PLEKHD1: variants seen among roughly 807,000 people sequenced by gnomAD.
The protein encoded by PLEKHD1 is pleckstrin homology domain-containing family D member 1.
A neutral mutation model predicts 69.2 loss-of-function variants in PLEKHD1; 51 were observed. The observed-to-expected ratio is 0.74, with a 90% CI of 0.59 to 0.93. PLEKHD1 has a LOEUF of 0.93. Ranked by LOEUF, PLEKHD1 falls within the 40% of genes least tolerant of loss-of-function variation. The pLI, the probability that PLEKHD1 is intolerant of heterozygous loss-of-function variation, is 0.00. For missense variants in PLEKHD1, 584 were observed against 641.0 expected, an observed-to-expected ratio of 0.91 and a Z score of 0.96; for synonymous variants, 236 against 244.7, an observed-to-expected ratio of 0.96 and a Z score of 0.33.
At chr14:69,526,251 T>C in intron 9 of PLEKHD1, 129 bp downstream of exon 9, 2 of 985,922 alleles carry the variant, frequency 2.0e-6, no homozygotes, top group Non-Finnish European at 2.9e-6. Context: ...TCCTTTTGCC[T>C]AGGACTCTGT....
chr14:69,473,325 C>T, the PLEKHD1 span, among the ~76,000 whole-genome samples: 17 of 151,894 alleles, frequency 1.1e-4, no homozygotes, highest in African/African-American at 3.9e-4. Context: ...CAGAATGTGT[C>T]CCTACCCCAC....
chr14:69,496,341 G>A (rs990499758), intron 1 of PLEKHD1, among the ~76,000 whole-genome samples: 1 of 152,184 alleles, frequency 6.6e-6, no homozygotes, highest in Non-Finnish European at 1.5e-5. Context: ...ATAACAAAAT[G>A]CCATAGACTG....
chr14:69,505,562 T>A (rs528404714), intron 6 of PLEKHD1, among the ~76,000 whole-genome samples: 1 of 152,338 alleles, frequency 6.6e-6, no homozygotes, highest in South Asian at 2.1e-4. Context: ...CTTAACTCTA[T>A]CACTGACTGT....
intron 6 of PLEKHD1, among the ~76,000 whole-genome samples, chr14:69,515,969 G>T (rs1416948816): frequency 1.3e-5 from 2 of 152,206 alleles, no homozygotes; most frequent in Non-Finnish European, 2.9e-5. Flanking sequence ...CTTCTCTGAT[G>T]ATGTAAGAAG....
intron 6 of PLEKHD1, among the ~76,000 whole-genome samples, chr14:69,513,219 A>AAAAAT (rs534420298): frequency 3.9e-4 from 59 of 151,418 alleles, no homozygotes; most frequent in African/African-American, 1.1e-3. Flanking sequence ...ACTCCATCTC[A>AAAAAT]AAAATAAAAT....
In PLEKHD1 at chr14:69,496,942, A is replaced by G. The variant is rs193120889; in HGVS notation, c.150-3173A>G. ...ACATTAATTACCTCCTAAAGACCTT[A>G]TCTCCAAATACAGTCACATGTGGGG... On this transcript the variant is annotated intron_variant, in intron 1 of 12. Coordinates refer to ENST00000322564, the MANE Select transcript of PLEKHD1 (RefSeq NM_001161498.2). 2.6e-5 allele frequency among the ~76,000 whole-genome samples: 4 copies of G among 152,218 alleles called. No homozygotes were observed. The East Asian group carries it at 7.7e-4, about 29-fold the overall frequency.
At chr14:69,476,788 G>A in the PLEKHD1 span, among the ~76,000 whole-genome samples, 2 of 152,162 alleles carry the variant, frequency 1.3e-5, no homozygotes, top group African/African-American at 4.8e-5. Flanking sequence ...CCAGGGACTA[G>A]ACTGTGAAGG....
the PLEKHD1 span, among the ~76,000 whole-genome samples, chr14:69,470,604 T>G: frequency 5.9e-5 from 9 of 152,130 alleles, no homozygotes; most frequent in Admixed American, 2.6e-4. Flanking sequence ...AAAGAGGCAA[T>G]GTGGTGTATT....
Position 69,528,615 on chromosome 14 carries a change from C to T in PLEKHD1, c.*196C>T. 1 of 740,272 alleles carries T rather than the reference C, an allele frequency of 1.4e-6. No individual in the cohort carries two copies. The highest frequency in any genetic ancestry group is 2.1e-6 in the Non-Finnish European group (1 of 467,036). 45.9% of individuals were successfully genotyped at this position (740,272 alleles called of 1,614,324 possible). A position where few individuals can be genotyped will look rare whatever the true frequency, so the allele number is the denominator to read the frequency against. ...CGCTGCCTTCCTCATCCTCACCCCA[C>T]ACCCCACCTTTGGGTCCACACCAGG... is the stretch of plus-strand genomic sequence containing the variant. On this transcript the variant is annotated 3_prime_UTR_variant, in exon 13 of 13. Coordinates refer to ENST00000322564, the MANE Select transcript of PLEKHD1 (RefSeq NM_001161498.2).
rs1459670611 is a variant in PLEKHD1 at position 69,526,685 on chromosome 14, C to T, written c.924-12C>T. ...AGTGAGCATTGAGAAAGTGCCTCTT[C>T]TGTCCCTACAGGATGAAGGAGAACG... On this transcript the variant is annotated splice_polypyrimidine_tract_variant and intron_variant, in intron 9 of 12. Coordinates refer to ENST00000322564, the MANE Select transcript of PLEKHD1 (RefSeq NM_001161498.2). 5 of 1,490,952 alleles carry T rather than the reference C, an allele frequency of 3.4e-6. No homozygotes were observed. Among genetic ancestry groups the T allele is most frequent in the Middle Eastern group, 3.5e-4 (2 of 5,728 alleles). 92.4% of individuals were successfully genotyped at this position (1,490,952 alleles called of 1,614,324 possible).
upstream of PLEKHD1, among the ~76,000 whole-genome samples, chr14:69,479,982 C>T (rs1882514310): frequency 6.6e-6 from 1 of 152,158 alleles, no homozygotes; most frequent in African/African-American, 2.4e-5. Flanking sequence ...CGAGGACAAA[C>T]CGATTCAGTA....
At chr14:69,498,534 G>C (rs1475935239) in intron 1 of PLEKHD1, among the ~76,000 whole-genome samples, 1 of 152,056 alleles carries the variant, frequency 6.6e-6, no homozygotes, top group Non-Finnish European at 1.5e-5. Flanking sequence ...TGGCTGGTAG[G>C]ACCTTCAGAG....
At chr14:69,505,243 A>G (rs2139510745) in intron 6 of PLEKHD1, among the ~76,000 whole-genome samples, 1 of 152,242 alleles carries the variant, frequency 6.6e-6, no homozygotes. Flanking sequence ...CTCAGTTCTC[A>G]TTTTTTGTCA....
chr14:69,468,540 CCTTCCTTTCTTT>C, the PLEKHD1 span, among the ~76,000 whole-genome samples: 610 of 135,216 alleles, frequency 4.5e-3, 1 homozygote, highest in Admixed American at 6.5e-3. Context: ...ATATTTCCTT[CCTTCCTTTCTTT>C]CTTTCTTTCT....
In PLEKHD1 at chr14:69,484,891, C is replaced by A; in HGVS notation, c.-75C>A. 6.7e-7 allele frequency: 1 copy of A among 1,502,872 alleles called. No individual in the cohort carries two copies. The highest frequency in any genetic ancestry group is 9.0e-7 in the Non-Finnish European group (1 of 1,115,990). The allele number at this position is 1,502,872 out of a possible 1,614,324, so 93.1% of individuals were successfully genotyped here. On this transcript the variant is annotated 5_prime_UTR_variant, in exon 1 of 13. Transcript: ENST00000322564. Reference sequence around the variant, plus strand: ...TGGGACGCTCTCCGACGGCTCCGCCCTCGCCTCTCGCCCCGAGTCCCTGCT... The same window carrying A: ...TGGGACGCTCTCCGACGGCTCCGCCATCGCCTCTCGCCCCGAGTCCCTGCT...
intron 6 of PLEKHD1, among the ~76,000 whole-genome samples, chr14:69,504,655 T>C (rs1883111932): frequency 6.6e-6 from 1 of 152,246 alleles, no homozygotes; most frequent in Non-Finnish European, 1.5e-5. Flanking sequence ...GTATTGGTTA[T>C]TCTTGCTCAT....
At chr14:69,509,236 G>A (rs1419395319) in intron 6 of PLEKHD1, among the ~76,000 whole-genome samples, 1 of 152,132 alleles carries the variant, frequency 6.6e-6, no homozygotes, top group Non-Finnish European at 1.5e-5. Context: ...AGCTTCATGA[G>A]TTCTTTGTAT....
At chr14:69,509,635 T>C (rs1159450122) in intron 6 of PLEKHD1, among the ~76,000 whole-genome samples, 1 of 151,348 alleles carries the variant, frequency 6.6e-6, no homozygotes, top group Non-Finnish European at 1.5e-5. Context: ...TCAAGTACCA[T>C]ATGTTGAAAA....
the PLEKHD1 span, among the ~76,000 whole-genome samples, chr14:69,476,124 G>C: frequency 6.6e-6 from 1 of 152,030 alleles, no homozygotes; most frequent in African/African-American, 2.4e-5. Context: ...TGCATGTGGT[G>C]GTGTGTGCCT....
Sources: allele counts gnomAD v4.1 joint callset (sites outside exome capture counted in the v4.1 genomes callset), GRCh38; gene constraint gnomAD v4.1.1; transcripts MANE v1.5; gene names NCBI Gene and HGNC (gene_info 2026-07-23, HGNC 2026-07-21).